Variants in ADGRL4 observed in about 807,000 individuals in gnomAD.
The protein encoded by ADGRL4 is adhesion G protein-coupled receptor L4.
In ADGRL4, 90 loss-of-function variants were observed where a neutral mutation model predicts 74.8. The ratio of observed to expected loss-of-function variants is 1.20; its 90% CI spans 1.02 to 1.43. The LOEUF (loss-of-function observed/expected upper bound fraction) is 1.43, where lower values mean the gene tolerates loss of function less well. Ranked by LOEUF, ADGRL4 falls within the 40% of genes most tolerant of loss-of-function variation. ADGRL4 has a pLI of 0.00. For missense variants in ADGRL4, 881 were observed against 814.3 expected (o/e 1.08, Z -1.00); for synonymous variants, 311 against 279.2 (o/e 1.11, Z -1.14).
intron 2 of ADGRL4, among the ~76,000 whole-genome samples, chr1:78,980,327 G>A (rs2100725500): frequency 6.6e-6 from 1 of 151,708 alleles, no homozygotes; most frequent in South Asian, 2.1e-4. Context: ...CTGAAGAGTG[G>A]CGACTTTGTT....
At chr1:78,923,312 CACCAG>C (rs1557498944) in intron 8 of ADGRL4, among the ~76,000 whole-genome samples, 1 of 152,038 alleles carries the variant, frequency 6.6e-6, no homozygotes, top group East Asian at 1.9e-4. Flanking sequence ...CTAATCCTTT[CACCAG>C]ACTTCTGTCT....
Position 78,951,157 on chromosome 1 carries a change from C to T in ADGRL4, c.173-4731G>A, listed in dbSNP as rs1232698663. ...ATGGACTCCTTTGCTCTCCTTCTAA[C>T]TCCCCAGGTTCCATCTCAGCTTACA... On this transcript the variant is annotated intron_variant, in intron 2 of 14. Transcript: ENST00000370742. Among the ~76,000 whole-genome samples the T allele has an allele frequency of 4.6e-5, 7 of 152,272 alleles. No individual in the cohort carries two copies. In the South Asian group the frequency reaches 1.0e-3, roughly 23 times the overall value.
intron 2 of ADGRL4, among the ~76,000 whole-genome samples, chr1:78,959,764 G>A (rs1205508083): frequency 6.6e-6 from 1 of 152,140 alleles, no homozygotes; most frequent in Non-Finnish European, 1.5e-5. Context: ...ACCAGAGTCA[G>A]TATAATCAGA....
intron 12 of ADGRL4, among the ~76,000 whole-genome samples, chr1:78,896,232 C>A (rs996683585): frequency 1.3e-5 from 2 of 152,006 alleles, no homozygotes; most frequent in Non-Finnish European, 2.9e-5. Flanking sequence ...CTATAGAATA[C>A]TTTTTGTCCC....
Position 78,936,351 on chromosome 1 carries a change from A to T in ADGRL4, c.821T>A (p.Met274Lys). Reference sequence around the variant, plus strand: ...AAATATATTTATGTAGTCTCCATCCATATTCATATGAGGATGAATATGTTT... The same window carrying T: ...AAATATATTTATGTAGTCTCCATCCTTATTCATATGAGGATGAATATGTTT... Reference protein sequence around the residue: ...NMKHIHPHMNMDGDYINIFPK... With the variant: ...NMKHIHPHMNKDGDYINIFPK... The change falls in exon 7 of 15, where the codon ATG becomes AAG. Residue 274 changes from methionine to lysine, a missense_variant. By Grantham distance (95) the Met-to-Lys change is moderately conservative (BLOSUM62 -1). Coordinates refer to ENST00000370742, the MANE Select transcript of ADGRL4 (RefSeq NM_022159.4). 2.5e-6 allele frequency: 4 copies of T among 1,591,802 alleles called. No individual in the cohort carries two copies. The highest frequency in any genetic ancestry group is 3.4e-6 in the Non-Finnish European group (4 of 1,172,090).
rs764619199 is a variant in ADGRL4 at position 78,893,147 on chromosome 1, G to C, written c.1792C>G (p.Arg598Gly). The C allele has an allele frequency of 6.2e-7, 1 of 1,603,158 alleles. No homozygotes were observed. The change falls in exon 13 of 15, where the codon CGT becomes GGT. Residue 598 changes from arginine (R) to glycine (G), a missense_variant. By Grantham distance (125) the Arg-to-Gly change is moderately radical (BLOSUM62 -2). Coordinates refer to ENST00000370742, the MANE Select transcript of ADGRL4 (RefSeq NM_022159.4). ...AFGVIIYKVFRHTAGLKPEVS... is the reference protein window; with the variant it reads ...AFGVIIYKVFGHTAGLKPEVS... ...TCTGGTTTCAACCCTGCAGTGTGACGAAAAACTTTGTATATGATGACTCCA... is the reference window on the plus strand; with the variant it reads ...TCTGGTTTCAACCCTGCAGTGTGACCAAAAACTTTGTATATGATGACTCCA...
At chr1:78,912,193 C>T (rs544296963) in intron 12 of ADGRL4, among the ~76,000 whole-genome samples, 17 of 151,734 alleles carry the variant, frequency 1.1e-4, no homozygotes, top group South Asian at 2.1e-4. Flanking sequence ...GAGTAAGATG[C>T]GGTAAATAAA....
chr1:78,928,982 G>C (rs1649181312), intron 7 of ADGRL4, among the ~76,000 whole-genome samples: 1 of 151,364 alleles, frequency 6.6e-6, no homozygotes, highest in Non-Finnish European at 1.5e-5. Context: ...CTGCTTTATT[G>C]CTACTTTAAC....
intron 7 of ADGRL4, 51 bp downstream of exon 7, chr1:78,936,244 A>C: frequency 1.3e-6 from 2 of 1,547,478 alleles, no homozygotes; most frequent in Non-Finnish European, 1.7e-6. Flanking sequence ...CATGATAAAT[A>C]TTTATTGCAA....
At chr1:78,931,227 G>C (rs1408942576) in intron 7 of ADGRL4, among the ~76,000 whole-genome samples, 2 of 150,172 alleles carry the variant, frequency 1.3e-5, no homozygotes, top group Non-Finnish European at 3.0e-5. Flanking sequence ...ACTAAGAATG[G>C]ACCTCTCAGC....
At chr1:78,927,226 T>G in intron 7 of ADGRL4, 135 bp from the exon 8 acceptor site, 2 of 626,104 alleles carry the variant, frequency 3.2e-6, no homozygotes, top group Non-Finnish European at 5.5e-6. Context: ...TACTGAAATA[T>G]AGACCACAAT....
At chr1:78,945,307 T>C in intron 3 of ADGRL4, among the ~76,000 whole-genome samples, 1 of 151,730 alleles carries the variant, frequency 6.6e-6, no homozygotes, top group Non-Finnish European at 1.5e-5. Flanking sequence ...TTCTCTATGT[T>C]GCATGTAGGT....
At chr1:78,986,134 G>A (rs780440296) in intron 2 of ADGRL4, among the ~76,000 whole-genome samples, 17 of 151,470 alleles carry the variant, frequency 1.1e-4, no homozygotes, top group Admixed American at 4.0e-4. Context: ...CACAATTTAC[G>A]TATATAACAA....
intron 1 of ADGRL4, among the ~76,000 whole-genome samples, chr1:79,005,556 A>T (rs951477854): frequency 6.6e-6 from 1 of 152,180 alleles, no homozygotes; most frequent in Non-Finnish European, 1.5e-5. Flanking sequence ...TTCTGAGGTG[A>T]GATACTTTGA....
chr1:78,960,800 G>A (rs985563471), intron 2 of ADGRL4, among the ~76,000 whole-genome samples: 1 of 152,130 alleles, frequency 6.6e-6, no homozygotes, highest in Non-Finnish European at 1.5e-5. Context: ...GGTACAGCAA[G>A]AAGGCACCAA....
chr1:78,983,767 C>T (rs1650441344), intron 2 of ADGRL4, among the ~76,000 whole-genome samples: 1 of 151,744 alleles, frequency 6.6e-6, no homozygotes, highest in Non-Finnish European at 1.5e-5. Flanking sequence ...AAAATGGAAA[C>T]ATCACAGTGA....
intron 2 of ADGRL4, among the ~76,000 whole-genome samples, chr1:78,979,473 C>A (rs571888445): frequency 1.3e-5 from 2 of 152,020 alleles, no homozygotes; most frequent in African/African-American, 4.8e-5. Context: ...TCTCCCTTAA[C>A]CTTGCTTTAA....
chr1:78,941,393 C>T (rs765020797), intron 3 of ADGRL4, among the ~76,000 whole-genome samples: 3 of 152,060 alleles, frequency 2.0e-5, no homozygotes, highest in African/African-American at 7.2e-5. Context: ...GGAAAACACC[C>T]CAATGAAAGT....
chr1:78,946,181 G>T (rs372474121), intron 3 of ADGRL4, 93 bp downstream of exon 3: 3 of 932,190 alleles, frequency 3.2e-6, no homozygotes, highest in Non-Finnish European at 3.1e-6. Flanking sequence ...TACGATCAAG[G>T]TCTGGCAGAA....
Sources: allele counts gnomAD v4.1 joint callset (sites outside exome capture counted in the v4.1 genomes callset), GRCh38; gene constraint gnomAD v4.1.1; transcripts MANE v1.5; gene names NCBI Gene and HGNC (gene_info 2026-07-23, HGNC 2026-07-21).